The following AOX1 variants were observed in gnomAD, a reference collection of about 807,000 sequenced individuals.
AOX1 encodes the protein aldehyde oxidase.
A neutral mutation model predicts 169.5 loss-of-function variants in AOX1; 153 were observed. That is an observed-to-expected ratio of 0.90 (90% CI 0.79 to 1.03). The LOEUF (loss-of-function observed/expected upper bound fraction) is 1.03. Among genes scored for constraint, AOX1 ranks in the 50% least tolerant of loss-of-function variants. AOX1 has a pLI of 0.00. For missense variants in AOX1, 1,656 were observed against 1,663.9 expected, an observed-to-expected ratio of 1.00 and a Z score of 0.08; for synonymous variants, 562 against 581.9, an observed-to-expected ratio of 0.97 and a Z score of 0.49.
At chr2:200,623,526 A>G (rs962669461) in intron 18 of AOX1, among the ~76,000 whole-genome samples, 1 of 152,238 alleles carries the variant, frequency 6.6e-6, no homozygotes, top group Non-Finnish European at 1.5e-5. Context: ...CTCTCAGAAC[A>G]GCTCTGATTG....
rs1358967049 is a variant in AOX1, at chr2:200,659,313, C to T, written c.3300+20C>T. ...GTAAAGGTAACAGTCACTGCAGTGG[C>T]GTCCAAATCATTAACTCCCTCAGGG... On this transcript the variant is annotated intron_variant, in intron 28 of 34. Transcript: ENST00000374700. 5.6e-6 allele frequency: 9 copies of T among 1,604,552 alleles called. No homozygotes were observed. Among genetic ancestry groups the T allele is most frequent in the African/African-American group, 1.3e-5 (1 of 74,432 alleles).
At chr2:200,586,807 C>A (rs1009482213) in intron 1 of AOX1, among the ~76,000 whole-genome samples, 1 of 152,204 alleles carries the variant, frequency 6.6e-6, no homozygotes, top group Non-Finnish European at 1.5e-5. Context: ...GCTGGGCTCG[C>A]TCTGCGCAAC....
downstream of AOX1, among the ~76,000 whole-genome samples, chr2:200,672,338 G>T (rs1456910857): frequency 6.6e-6 from 1 of 152,204 alleles, no homozygotes; most frequent in Non-Finnish European, 1.5e-5. Flanking sequence ...GAAAATGTGG[G>T]AAAGATTGAG....
rs201764462 is a variant in AOX1 at position 200,659,191 on chromosome 2, A to G, written c.3198A>G (p.Pro1066=). ...IQVVSRELRM[P]MSNVHLRGTS... is the part of the protein sequence containing the mutation. ...TGGTCAGCCGTGAATTAAGAATGCC[A>G]ATGTCGAATGTCCACCTGCGTGGAA... Residue 1066 remains proline (P), a synonymous_variant, in exon 28 of 35, where the codon CCA becomes CCG. Coordinates refer to ENST00000374700, the MANE Select transcript of AOX1 (RefSeq NM_001159.4). 9.2e-5 allele frequency: 149 copies of G among 1,613,916 alleles called. 1 individual carries two copies. Among genetic ancestry groups the G allele is most frequent in the South Asian group, 3.6e-4 (33 of 91,030 alleles).
chr2:200,669,469 A>T, intron 33 of AOX1, 106 bp from the exon 34 acceptor site: 1 of 1,266,480 alleles, frequency 7.9e-7, no homozygotes, highest in South Asian at 1.5e-5. Flanking sequence ...AAAAATGTAC[A>T]TATGTAGTAC....
chr2:200,612,539 A>G (rs2034660796), intron 13 of AOX1, 70 bp from the exon 14 acceptor site: 1 of 1,504,028 alleles, frequency 6.6e-7, no homozygotes, highest in Non-Finnish European at 9.1e-7. Context: ...GATACTCAAG[A>G]CACACAGACT....
rs768976740 is a variant in AOX1 at position 200,668,787 on chromosome 2, C to A, written c.3782C>A (p.Thr1261Asn). 1.2e-6 allele frequency: 2 copies of A among 1,614,010 alleles called. No homozygotes were observed. The highest frequency in any genetic ancestry group is 2.2e-5 in the South Asian group (2 of 91,068). The change falls in exon 33 of 35, where the codon ACT becomes AAT. Residue 1261 changes from threonine (T) to asparagine (N), a missense_variant. Thr to Asn is a moderately conservative substitution (Grantham distance 65). Transcript: ENST00000374700. ...ALLPPSQNSN[T>N]LYSSKGLGES... is the part of the protein sequence containing the mutation. ...TTGCCTCCTTCTCAAAACTCAAATACTCTTTATTCATCTAAGGTAAGTAAT... is the reference window on the plus strand; with the variant it reads ...TTGCCTCCTTCTCAAAACTCAAATAATCTTTATTCATCTAAGGTAAGTAAT...
At chr2:200,627,513 C>T (rs1574934176) in intron 20 of AOX1, 64 bp downstream of exon 20, 1 of 1,208,544 alleles carries the variant, frequency 8.3e-7, no homozygotes, top group East Asian at 2.3e-5. Flanking sequence ...TTAAGGCTTC[C>T]TTTGTCTTCT....
At chr2:200,668,584 C>A in intron 32 of AOX1, 31 bp from the exon 33 acceptor site, 2 of 1,570,748 alleles carry the variant, frequency 1.3e-6, no homozygotes, top group Admixed American at 3.8e-5. Flanking sequence ...TTTTCTCATA[C>A]GTGGAAATTC....
intron 19 of AOX1, among the ~76,000 whole-genome samples, chr2:200,626,023 A>C (rs868627466): frequency 6.6e-6 from 1 of 152,242 alleles, no homozygotes; most frequent in Non-Finnish European, 1.5e-5. Flanking sequence ...CCTGAATAAT[A>C]ATCATCAACA....
intron 16 of AOX1, among the ~76,000 whole-genome samples, chr2:200,618,417 C>T (rs1412344873): frequency 6.6e-6 from 1 of 152,192 alleles, no homozygotes; most frequent in African/African-American, 2.4e-5. Flanking sequence ...ATGCATCCTA[C>T]ACACATGTCT....
At chr2:200,658,862 T>G (rs778129147) in intron 27 of AOX1, among the ~76,000 whole-genome samples, 5 of 152,162 alleles carry the variant, frequency 3.3e-5, no homozygotes, top group Non-Finnish European at 7.3e-5. Context: ...AAGATGTCAA[T>G]ATCATGATTA....
chr2:200,617,631 A>G (rs1011491703), intron 16 of AOX1, among the ~76,000 whole-genome samples: 9 of 151,418 alleles, frequency 5.9e-5, no homozygotes, highest in African/African-American at 1.7e-4. Flanking sequence ...TTTGTTTGTT[A>G]CAGTGAAATG....
intron 14 of AOX1, 128 bp from the exon 15 acceptor site, chr2:200,613,676 G>A (rs2034691522): frequency 1.1e-6 from 1 of 902,140 alleles, no homozygotes. Flanking sequence ...TTTGAACTCG[G>A]GCTGCCTGAT....
chr2:200,633,869 T>C (rs2105738249), intron 20 of AOX1, among the ~76,000 whole-genome samples: 1 of 152,334 alleles, frequency 6.6e-6, no homozygotes, highest in East Asian at 1.9e-4. Context: ...CTTTAACCTT[T>C]TACTGATGGA....
chr2:200,650,019 C>A (rs1392708536), intron 25 of AOX1, among the ~76,000 whole-genome samples: 2 of 152,198 alleles, frequency 1.3e-5, no homozygotes, highest in Non-Finnish European at 2.9e-5. Flanking sequence ...CATGCCCCAG[C>A]AGTCTTTAGA....
chr2:200,654,854 C>T (rs2035651071), intron 26 of AOX1, among the ~76,000 whole-genome samples: 1 of 152,214 alleles, frequency 6.6e-6, no homozygotes, highest in Non-Finnish European at 1.5e-5. Flanking sequence ...TAACAATGAG[C>T]TGTACAGTGG....
intron 4 of AOX1, 65 bp from the exon 5 acceptor site, chr2:200,599,555 C>G: frequency 7.6e-7 from 1 of 1,308,378 alleles, no homozygotes; most frequent in Non-Finnish European, 1.1e-6. Context: ...AGAATGCAGG[C>G]TCTAATTCAT....
chr2:200,678,670 G>GT (rs1288244033), downstream of AOX1: 1 of 147,252 alleles, frequency 6.8e-6, no homozygotes, highest in Admixed American at 6.8e-5. Context: ...TAACTTTACT[G>GT]TTTTTTCTAA....
Sources: allele counts gnomAD v4.1 joint callset (sites outside exome capture counted in the v4.1 genomes callset), GRCh38; gene constraint gnomAD v4.1.1; transcripts MANE v1.5; gene names NCBI Gene and HGNC (gene_info 2026-07-23, HGNC 2026-07-21).